Variants in CENPH observed in about 807,000 individuals in gnomAD.
The protein encoded by CENPH is CENP-H.
Under a neutral mutation model 42.9 loss-of-function variants are expected in CENPH, and 40 were observed. That is an observed-to-expected ratio of 0.93 (90% CI 0.72 to 1.21). CENPH has a LOEUF of 1.21. Ranked by LOEUF, CENPH falls within the 50% of genes most tolerant of loss-of-function variation. The probability of loss-of-function intolerance (pLI) is 0.00; values close to 1 mark genes in which losing one functional copy is unlikely to be tolerated. For synonymous variants in CENPH, 88 were observed against 96.5 expected (o/e 0.91, Z 0.52); for missense variants, 302 against 292.9 (o/e 1.03, Z -0.23).
intron 7 of CENPH, among the ~76,000 whole-genome samples, chr5:69,206,239 A>G (rs1294816227): frequency 1.3e-5 from 2 of 150,566 alleles, no homozygotes; most frequent in African/African-American, 2.4e-5. Flanking sequence ...CTGGAGTGCA[A>G]TGGCGTGATC....
intron 5 of CENPH, among the ~76,000 whole-genome samples, chr5:69,198,083 G>A (rs1747995718): frequency 6.6e-6 from 1 of 151,738 alleles, no homozygotes; most frequent in African/African-American, 2.4e-5. Context: ...ACCACGCCTA[G>A]CTAATTTTTT....
chr5:69,207,189 TA>T (rs1748173799), intron 7 of CENPH, among the ~76,000 whole-genome samples: 4 of 151,986 alleles, frequency 2.6e-5, no homozygotes, highest in Admixed American at 2.6e-4. Flanking sequence ...AGGGGAATCT[TA>T]CTTTTTTTTT....
At chr5:69,194,205 C>G (rs1159470298) in intron 2 of CENPH, among the ~76,000 whole-genome samples, 1 of 151,950 alleles carries the variant, frequency 6.6e-6, no homozygotes, top group Non-Finnish European at 1.5e-5. Flanking sequence ...GCCACCCAGG[C>G]TGGAGTGCAG....
chr5:69,205,917 G>T (rs1462626168), intron 7 of CENPH, among the ~76,000 whole-genome samples: 1 of 150,616 alleles, frequency 6.6e-6, no homozygotes, highest in Non-Finnish European at 1.5e-5. Context: ...CACCATATTA[G>T]CTAGGATGGT....
intron 7 of CENPH, among the ~76,000 whole-genome samples, chr5:69,207,441 G>A (rs182068397): frequency 2.6e-4 from 39 of 151,540 alleles, no homozygotes; most frequent in Non-Finnish European, 4.0e-4. Context: ...CGCCCACCTC[G>A]GCCTCCCAAA....
intron 1 of CENPH, among the ~76,000 whole-genome samples, chr5:69,190,795 C>T (rs959990435): frequency 2.6e-5 from 4 of 151,776 alleles, no homozygotes; most frequent in African/African-American, 9.7e-5. Context: ...GAGGCTGAGG[C>T]AAGAGAATTG....
chr5:69,208,533 A>G (rs571317004), intron 8 of CENPH, among the ~76,000 whole-genome samples, 174 bp downstream of exon 8: 36 of 151,224 alleles, frequency 2.4e-4, no homozygotes, highest in South Asian at 4.2e-4. Flanking sequence ...TAATTTTTTA[A>G]TTTTTAGTAG....
intron 8 of CENPH, among the ~76,000 whole-genome samples, chr5:69,209,255 G>A (rs967972212): frequency 6.6e-6 from 1 of 152,144 alleles, no homozygotes; most frequent in African/African-American, 2.4e-5. Context: ...GGGTGTGGTG[G>A]CTTATGCCTG....
intron 1 of CENPH, 120 bp downstream of exon 1, chr5:69,189,888 C>T (rs911779388): frequency 6.2e-6 from 7 of 1,124,406 alleles, no homozygotes; most frequent in East Asian, 2.9e-5. Context: ...TCCGTGATTG[C>T]CTCATTCACT....
At chr5:69,208,610 C>T (rs539949847) in intron 8 of CENPH, among the ~76,000 whole-genome samples, 1 of 152,254 alleles carries the variant, frequency 6.6e-6, no homozygotes, top group East Asian at 1.9e-4. Flanking sequence ...CCGTCTGCCT[C>T]AGCCTCCCAA....
chr5:69,193,145 A>G (rs1403845557), intron 2 of CENPH, among the ~76,000 whole-genome samples: 1 of 151,048 alleles, frequency 6.6e-6, no homozygotes, highest in African/African-American at 2.4e-5. Context: ...ACACACATAT[A>G]CGTATATGTA....
chr5:69,202,684 A>T, intron 6 of CENPH, 115 bp downstream of exon 6: 1 of 719,444 alleles, frequency 1.4e-6, no homozygotes, highest in African/African-American at 1.8e-5. Flanking sequence ...CTATGATTGG[A>T]ATTCGCTGTC....
intron 2 of CENPH, among the ~76,000 whole-genome samples, chr5:69,193,078 C>A (rs551294623): frequency 2.2e-4 from 33 of 151,264 alleles, no homozygotes; most frequent in Non-Finnish European, 4.3e-4. Context: ...GCCTGGGCAA[C>A]AAGAGCAAAA....
Position 69,194,918 on chromosome 5 carries a change from CT to C in CENPH, c.239+241del, listed in dbSNP as rs869047885. The stretch of plus-strand genomic sequence containing the variant: ...CATTGTACCACACCTGACTTTCTTT[CT>C]TTTTTTTTTTTTTTTTTAAATATTT... On this transcript the variant is annotated intron_variant, in intron 3 of 8. Coordinates refer to ENST00000283006, the MANE Select transcript of CENPH (RefSeq NM_022909.4). Among the ~76,000 whole-genome samples the C allele has an allele frequency of 5.2e-3, 712 of 135,978 alleles. 3 individuals carry two copies. The highest frequency in any genetic ancestry group is 0.01 in the African/African-American group (380 of 37,332). 89.2% of individuals were successfully genotyped at this position (135,978 alleles called of 152,430 possible). A position where few individuals can be genotyped will look rare whatever the true frequency, so the allele number is the denominator to read the frequency against.
At chr5:69,197,026 A>G (rs750061867) in intron 4 of CENPH, 27 bp from the exon 5 acceptor site, 2 of 1,494,140 alleles carry the variant, frequency 1.3e-6, no homozygotes, top group Non-Finnish European at 9.0e-7. Context: ...TCCATGTTTT[A>G]TAATGCAAGC....
Position 69,209,718 on chromosome 5 carries a change from G to T in CENPH, c.663G>T (p.Leu221Phe). The T allele has an allele frequency of 6.3e-7, 1 of 1,586,268 alleles. No homozygotes were observed. The highest frequency in any genetic ancestry group is 1.1e-5 in the South Asian group (1 of 87,914). The change falls in exon 9 of 9, where the codon TTG (leucine) becomes TTT (phenylalanine). Residue 221 changes from leucine to phenylalanine, a missense_variant. Coordinates refer to ENST00000283006, the MANE Select transcript of CENPH (RefSeq NM_022909.4). ...TTTTTTCTTTACAGAACCTTATTTT[G>T]GGGAGTAAAGTCAATTGGGCAGAGG... ...VIQHVFQNLI[L>F]GSKVNWAEDP...
At chr5:69,190,793 G>A (rs1747855031) in intron 1 of CENPH, among the ~76,000 whole-genome samples, 1 of 152,098 alleles carries the variant, frequency 6.6e-6, no homozygotes, top group Non-Finnish European at 1.5e-5. Context: ...AGGAGGCTGA[G>A]GCAAGAGAAT....
At chr5:69,207,254 A>G (rs1004417941) in intron 7 of CENPH, among the ~76,000 whole-genome samples, 3 of 151,506 alleles carry the variant, frequency 2.0e-5, no homozygotes, top group Non-Finnish European at 2.9e-5. Flanking sequence ...CAATGGTGCA[A>G]TCTCAGCTTA....
In CENPH at chr5:69,202,860, A is replaced by G. The variant is rs376170515; in HGVS notation, c.436-59A>G. 6.2e-5 allele frequency: 64 copies of G among 1,024,716 alleles called. 1 individual carries two copies. The African/African-American group carries it at 7.7e-4, about 12-fold the overall frequency. The allele number at this position is 1,024,716 out of a possible 1,614,324, so 63.5% of individuals were successfully genotyped here. A position where few individuals can be genotyped will look rare whatever the true frequency, so the allele number is the denominator to read the frequency against. On this transcript the variant is annotated intron_variant, in intron 6 of 8. Coordinates refer to ENST00000283006, the MANE Select transcript of CENPH (RefSeq NM_022909.4). ...AGTAGATAAACTCAGTGATTTAAGT[A>G]TTACAGGTTTGTCCTTACATACAGT... is the stretch of plus-strand genomic sequence containing the variant.
Sources: gnomAD v4.1 joint callset for allele counts (sites outside exome capture counted in the v4.1 genomes callset) on GRCh38, gnomAD v4.1.1 for gene constraint, MANE v1.5 for transcripts, NCBI Gene and HGNC (gene_info 2026-07-23, HGNC 2026-07-21) for gene names.